Variants in METTL16 observed in about 807,000 individuals in gnomAD.
METTL16 encodes the protein methyltransferase 16, RNA N6-adenosine, also known as RNA N(6)-adenosine-methyltransferase METTL16.
A neutral mutation model predicts 57.9 loss-of-function variants in METTL16; 19 were observed. The observed-to-expected ratio is 0.33, with a 90% CI of 0.23 to 0.48. The LOEUF is 0.48. Among genes scored for constraint, METTL16 ranks in the 20% least tolerant of loss-of-function variants. METTL16 has a pLI of 0.99. For missense variants in METTL16, 434 were observed against 691.5 expected (o/e 0.63, Z 4.18); for synonymous variants, 246 against 255.6 (o/e 0.96, Z 0.36).
At chr17:2,504,766 C>T (rs773817488) in intron 1 of METTL16, among the ~76,000 whole-genome samples, 1 of 152,002 alleles carries the variant, frequency 6.6e-6, no homozygotes, top group Non-Finnish European at 1.5e-5. Flanking sequence ...GAGACAGGGT[C>T]TCCCTTTGTT....
Position 2,420,663 on chromosome 17 carries a change from AAAAAAAAG to A in METTL16, c.1062+60_1062+67del. ...CCCCTCTCTCCAAACTCTCAATAAA[AAAAAAAAG>A]AAAAAAGAAAAAAGAGAAGGATCAT... is the stretch of plus-strand genomic sequence containing the variant. On this transcript the variant is annotated intron_variant, in intron 9 of 9. Coordinates refer to ENST00000263092, the MANE Select transcript of METTL16 (RefSeq NM_024086.4). This position sits in a 1 kb window ranked among gnomAD's most constrained non-coding sequence, Gnocchi z 5.4. 6.4e-7 allele frequency: 1 copy of A among 1,563,050 alleles called. No homozygotes were observed. Among genetic ancestry groups the A allele is most frequent in the Non-Finnish European group, 8.6e-7 (1 of 1,161,500 alleles).
chr17:2,496,329 A>G (rs2067445331), intron 2 of METTL16, among the ~76,000 whole-genome samples: 1 of 151,512 alleles, frequency 6.6e-6, no homozygotes, highest in South Asian at 2.1e-4. Context: ...GATGGGTCTC[A>G]CCTTGTCGCT....
Position 2,456,943 on chromosome 17 carries a change from G to T in METTL16, c.728+7265C>A, listed in dbSNP as rs573992554. ...GCTGGGATTACAGGCGCATGCACCC[G>T]GCCTTTTTTTTTTTTTTAAATGCCA... is the stretch of plus-strand genomic sequence containing the variant. On this transcript the variant is annotated intron_variant, in intron 6 of 9. Coordinates refer to ENST00000263092, the MANE Select transcript of METTL16 (RefSeq NM_024086.4). Among the ~76,000 whole-genome samples, 9 of 150,010 alleles carry T rather than the reference G, an allele frequency of 6.0e-5. No individual in the cohort carries two copies. In the East Asian group the frequency reaches 1.7e-3, roughly 29 times the overall value.
intron 6 of METTL16, among the ~76,000 whole-genome samples, chr17:2,441,943 A>C (rs1377089912): frequency 1.3e-5 from 2 of 152,234 alleles, no homozygotes; most frequent in Non-Finnish European, 2.9e-5. Flanking sequence ...TCAAGATTAG[A>C]TCCAGCATGA....
chr17:2,459,022 G>C (rs2067130345), intron 6 of METTL16, among the ~76,000 whole-genome samples: 1 of 152,088 alleles, frequency 6.6e-6, no homozygotes, highest in African/African-American at 2.4e-5. Flanking sequence ...GCCCAGGCTG[G>C]TCTTGAACTC....
intron 3 of METTL16, among the ~76,000 whole-genome samples, chr17:2,476,043 A>G (rs1388716634): frequency 6.6e-6 from 1 of 152,244 alleles, no homozygotes; most frequent in Non-Finnish European, 1.5e-5. Context: ...AGATGATTTC[A>G]GAAGTATTTA....
intron 6 of METTL16, among the ~76,000 whole-genome samples, chr17:2,456,943 G>A (rs573992554): frequency 1.3e-4 from 20 of 149,932 alleles, no homozygotes; most frequent in Admixed American, 2.7e-4. Context: ...GCATGCACCC[G>A]GCCTTTTTTT....
intron 2 of METTL16, among the ~76,000 whole-genome samples, chr17:2,480,198 A>G (rs570992390): frequency 9.9e-5 from 15 of 151,902 alleles, no homozygotes; most frequent in South Asian, 2.1e-4. Context: ...AAAAAAAAAA[A>G]AAAAGAAAAG....
intron 6 of METTL16, chr17:2,455,142 G>C (rs188827519): frequency 5.7e-6 from 1 of 174,484 alleles, no homozygotes; most frequent in East Asian, 1.8e-4. Flanking sequence ...AGGCTGGAGT[G>C]CAATGGCGTT....
At position 2,485,190 on chromosome 17, in the gene METTL16, C is replaced by T. The variant is rs149256283; in HGVS notation, c.129-7305G>A. ...ACAGGAGCGTGAACCCTCCTGGGAA[C>T]GCCGCATGCGAGGGATCTAGGTTGA... is the stretch of plus-strand genomic sequence containing the variant. On this transcript the variant is annotated intron_variant, in intron 2 of 9. Coordinates refer to ENST00000263092, the MANE Select transcript of METTL16 (RefSeq NM_024086.4). Among the ~76,000 whole-genome samples, 1,072 of 152,290 alleles carry T rather than the reference C, an allele frequency of 7.0e-3. 10 individuals are homozygous for T. Among genetic ancestry groups the T allele is most frequent in the African/African-American group, 0.024 (1,010 of 41,546 alleles).
rs76007934 is a variant in METTL16, at chr17:2,467,913, G to C, written c.470-37C>G. 2,559 of 1,404,746 alleles carry C rather than the reference G, an allele frequency of 1.8e-3. 56 individuals carry two copies. In the East Asian group the frequency reaches 0.036, roughly 20 times the overall value. 87.0% of individuals were successfully genotyped at this position (1,404,746 alleles called of 1,614,324 possible). On this transcript the variant is annotated intron_variant, in intron 4 of 9. Transcript: ENST00000263092. The stretch of plus-strand genomic sequence containing the variant: ...AACAGGACTGTGAACTAATATTAAT[G>C]TTGCAGTGGTTCTAAAGTATAACCG...
chr17:2,474,052 C>T (rs1471267655), intron 3 of METTL16, among the ~76,000 whole-genome samples: 2 of 152,046 alleles, frequency 1.3e-5, no homozygotes, highest in African/African-American at 4.8e-5. Flanking sequence ...CCTAAAGGAT[C>T]GAAACCTTGC....
intron 6 of METTL16, among the ~76,000 whole-genome samples, chr17:2,447,110 G>A (rs543964987): frequency 7.0e-6 from 1 of 143,398 alleles, no homozygotes; most frequent in Admixed American, 6.7e-5. Flanking sequence ...GTCTCTGCCC[G>A]GCCGCCGTCC....
At chr17:2,507,252 G>A (rs1329067357) in intron 1 of METTL16, among the ~76,000 whole-genome samples, 4 of 138,648 alleles carry the variant, frequency 2.9e-5, no homozygotes, top group Non-Finnish European at 4.7e-5. Context: ...GGTGAGGGGC[G>A]CCTCTGCCCG....
chr17:2,433,272 T>C (rs2066887388), intron 8 of METTL16, among the ~76,000 whole-genome samples: 1 of 152,088 alleles, frequency 6.6e-6, no homozygotes, highest in Non-Finnish European at 1.5e-5. Context: ...TTCGGCACCA[T>C]GGGAAGGCTG....
chr17:2,455,589 C>CAATAAA (rs2067104221), intron 6 of METTL16, among the ~76,000 whole-genome samples: 1 of 152,166 alleles, frequency 6.6e-6, no homozygotes, highest in African/African-American at 2.4e-5. Context: ...GAGCAGACAC[C>CAATAAA]AATCAACAAG....
chr17:2,466,759 T>C (rs1567895933), intron 5 of METTL16, among the ~76,000 whole-genome samples: 1 of 152,160 alleles, frequency 6.6e-6, no homozygotes, highest in Non-Finnish European at 1.5e-5. Flanking sequence ...GATACTGTAT[T>C]TTTGTATTAT....
intron 6 of METTL16, among the ~76,000 whole-genome samples, chr17:2,448,966 G>A (rs1207417806): frequency 6.7e-6 from 1 of 149,790 alleles, no homozygotes; most frequent in African/African-American, 2.4e-5. Context: ...GACAGAGGTT[G>A]CAGTGAGCCG....
At chr17:2,491,987 G>A (rs1465779866) in intron 2 of METTL16, among the ~76,000 whole-genome samples, 5 of 151,120 alleles carry the variant, frequency 3.3e-5, no homozygotes, top group Non-Finnish European at 4.4e-5. Flanking sequence ...CAAGGCTGAC[G>A]GATCACGAGG....
Sources: gnomAD v4.1 joint callset for allele counts (sites outside exome capture counted in the v4.1 genomes callset) on GRCh38, gnomAD v4.1.1 for gene constraint, Gnocchi (gnomAD v3.1) non-coding constraint, MANE v1.5 for transcripts, NCBI Gene and HGNC (gene_info 2026-07-23, HGNC 2026-07-21) for gene names.